Variants in DUSP5 observed in about 807,000 individuals in gnomAD.
DUSP5 encodes the protein dual specificity phosphatase 5, also known as dual specificity protein phosphatase 5.
Under a neutral mutation model 33.6 loss-of-function variants are expected in DUSP5, and 22 were observed. The ratio of observed to expected loss-of-function variants is 0.66; its 90% confidence interval spans 0.47 to 0.94. The LOEUF (loss-of-function observed/expected upper bound fraction) is 0.94. Among genes scored for constraint, DUSP5 ranks in the 40% least tolerant of loss-of-function variants. The pLI, the probability that DUSP5 is intolerant of heterozygous loss-of-function variation, is 0.00. For missense variants in DUSP5, 551 were observed against 522.1 expected (o/e 1.06, Z -0.54); for synonymous variants, 270 against 231.1 (o/e 1.17, Z -1.53).
At position 110,498,127 on chromosome 10, in the gene DUSP5, G is replaced by A. The variant is rs765038748; in HGVS notation, c.6G>A (p.Lys2=). The change falls in exon 1 of 4, where the codon AAG becomes AAA. Residue 2 remains lysine, a synonymous_variant. Transcript: ENST00000369583. ...TGGCCGGCGGCGGCGGCGGCATGAAGGTCACGTCGCTCGACGGGCGCCAGC... is the reference window on the plus strand; with the variant it reads ...TGGCCGGCGGCGGCGGCGGCATGAAAGTCACGTCGCTCGACGGGCGCCAGC... M[K]VTSLDGRQLR... The A allele has an allele frequency of 1.3e-4, 190 of 1,426,326 alleles. No homozygotes were observed. Among genetic ancestry groups the A allele is most frequent in the Non-Finnish European group, 1.6e-4 (177 of 1,083,142 alleles). The allele number at this position is 1,426,326 out of a possible 1,614,324, so 88.4% of individuals were successfully genotyped here.
At position 110,498,200 on chromosome 10, in the gene DUSP5, G is replaced by C; in HGVS notation, c.79G>C (p.Asp27His). The C allele has an allele frequency of 1.3e-6, 2 of 1,504,276 alleles. No homozygotes were observed. Among genetic ancestry groups the C allele is most frequent in the Non-Finnish European group, 1.8e-6 (2 of 1,126,246 alleles). 93.2% of individuals were successfully genotyped at this position (1,504,276 alleles called of 1,614,324 possible). The change falls in exon 1 of 4, where the codon GAC becomes CAC. Residue 27 changes from aspartate (D) to histidine (H), a missense_variant. Asp to His is a moderately conservative substitution (Grantham distance 81). This residue lies in a region of DUSP5 where 381 missense variants were observed against 310.4 expected (regional missense o/e 1.23). Transcript: ENST00000369583. ...KEAAARCVVL[D>H]CRPYLAFAAS... ...GGCGGCGGCGCGCTGCGTGGTGCTC[G>C]ACTGCCGGCCCTATCTGGCCTTCGC...
chr10:110,506,784 T>G (rs1349070773), intron 2 of DUSP5, 151 bp from the exon 3 acceptor site: 14 of 787,854 alleles, frequency 1.8e-5, no homozygotes, highest in Non-Finnish European at 2.3e-5. Flanking sequence ...ACAACCACAC[T>G]TGGTTGAACT....
intron 3 of DUSP5, among the ~76,000 whole-genome samples, chr10:110,509,615 A>G (rs1860161412): frequency 6.6e-6 from 1 of 152,198 alleles, no homozygotes; most frequent in African/African-American, 2.4e-5. Context: ...GCCCAATAAA[A>G]ATGTGCACAA....
In DUSP5 at chr10:110,502,717, G is replaced by T. The variant is rs1470941606; in HGVS notation, c.380-4G>T. On this transcript the variant is annotated splice_polypyrimidine_tract_variant and splice_region_variant and intron_variant, in intron 1 of 3. Transcript: ENST00000369583. ...CTGTCTCACCTTTTTGTTTGTTTTT[G>T]TAGGGGGATATGAGACTTTCTACTC... 1.9e-6 allele frequency: 3 copies of T among 1,610,520 alleles called. No homozygotes were observed. The highest frequency in any genetic ancestry group is 2.5e-6 in the Non-Finnish European group (3 of 1,178,560).
intron 3 of DUSP5, among the ~76,000 whole-genome samples, chr10:110,508,833 A>G (rs184877632): frequency 7.7e-4 from 118 of 152,318 alleles, no homozygotes; most frequent in African/African-American, 2.4e-3. Flanking sequence ...GGACACCCCT[A>G]TTGAACTGCT....
In DUSP5 at chr10:110,506,991, C is replaced by T. The variant is rs547369264; in HGVS notation, c.585C>T (p.Ser195=). ...ACCTTGGAAGTGCCTACCATGCATC[C>T]AAGTGCGAGTTCCTCGCCAACCTGC... is the stretch of plus-strand genomic sequence containing the variant. ...FLYLGSAYHA[S]KCEFLANLHI... Residue 195 remains serine (S), a synonymous_variant, in exon 3 of 4, where the codon TCC becomes TCT. Transcript: ENST00000369583. 297 of 1,614,274 alleles carry T rather than the reference C, an allele frequency of 1.8e-4. 2 individuals carry two copies. The South Asian group carries it at 2.6e-3, about 14-fold the overall frequency.
rs1228313742 is a variant in DUSP5, at chr10:110,511,350, G to T, written c.*924G>T. The T allele has an allele frequency of 6.6e-6, 1 of 152,516 alleles. No individual in the cohort carries two copies. The highest frequency in any genetic ancestry group is 6.5e-5 in the Admixed American group (1 of 15,276). 9.4% of individuals were successfully genotyped at this position (152,516 alleles called of 1,614,324 possible). ...CCCTGGAGGTTGTCTTCAAGCTGTGGACTTCTGGGATTTGCAGATTTTGCA... is the reference window on the plus strand; with the variant it reads ...CCCTGGAGGTTGTCTTCAAGCTGTGTACTTCTGGGATTTGCAGATTTTGCA... On this transcript the variant is annotated 3_prime_UTR_variant, in exon 4 of 4. Coordinates refer to ENST00000369583, the MANE Select transcript of DUSP5 (RefSeq NM_004419.4).
intron 1 of DUSP5, among the ~76,000 whole-genome samples, chr10:110,498,889 C>T (rs1367698424): frequency 6.6e-6 from 1 of 152,086 alleles, no homozygotes; most frequent in Non-Finnish European, 1.5e-5. Flanking sequence ...CTGGCGGGAT[C>T]AGCAGGTCGC....
chr10:110,507,002 T>A lies in DUSP5; in HGVS notation c.596T>A (p.Phe199Tyr), dbSNP rs1396448883. 2 of 1,614,150 alleles carry A rather than the reference T, an allele frequency of 1.2e-6. No individual in the cohort carries two copies. Among genetic ancestry groups the A allele is most frequent in the Non-Finnish European group, 1.7e-6 (2 of 1,180,054 alleles). The change falls in exon 3 of 4, where the codon TTC becomes TAC. Residue 199 changes from phenylalanine to tyrosine, a missense_variant. Phe to Tyr is a conservative substitution (Grantham distance 22, BLOSUM62 3). This residue lies in a region of DUSP5 where 381 missense variants were observed against 310.4 expected (regional missense o/e 1.23). Transcript: ENST00000369583. Reference sequence around the variant, plus strand: ...GCCTACCATGCATCCAAGTGCGAGTTCCTCGCCAACCTGCACATCACAGCC... The same window carrying A: ...GCCTACCATGCATCCAAGTGCGAGTACCTCGCCAACCTGCACATCACAGCC... ...GSAYHASKCE[F>Y]LANLHITALL...
chr10:110,498,704 G>A (rs556188007), intron 1 of DUSP5, among the ~76,000 whole-genome samples: 10 of 152,336 alleles, frequency 6.6e-5, no homozygotes, highest in Admixed American at 1.3e-4. Context: ...TTCCTCGAAA[G>A]CGCCCGGCAG....
chr10:110,510,870 C>T lies in DUSP5; in HGVS notation c.*444C>T, dbSNP rs1410285784. 1 of 161,374 alleles carries T rather than the reference C, an allele frequency of 6.2e-6. No individual in the cohort carries two copies. Among genetic ancestry groups the T allele is most frequent in the Non-Finnish European group, 1.4e-5 (1 of 73,840 alleles). The allele number at this position is 161,374 out of a possible 1,614,324, so 10.0% of individuals were successfully genotyped here. On this transcript the variant is annotated 3_prime_UTR_variant, in exon 4 of 4. Coordinates refer to ENST00000369583, the MANE Select transcript of DUSP5 (RefSeq NM_004419.4). ...GAACTTTGGCAGTTTCAATGTCTGTCTCTGTTGCTTCGGGGCATAAGCTGA... is the reference window on the plus strand; with the variant it reads ...GAACTTTGGCAGTTTCAATGTCTGTTTCTGTTGCTTCGGGGCATAAGCTGA...
intron 3 of DUSP5, among the ~76,000 whole-genome samples, chr10:110,509,606 C>A (rs1324032054): frequency 6.6e-6 from 1 of 152,152 alleles, no homozygotes; most frequent in Non-Finnish European, 1.5e-5. Context: ...AATGTATGTG[C>A]CCAATAAAAA....
rs550148001 is a variant in DUSP5 at position 110,504,011 on chromosome 10, T to A, written c.528+1142T>A. Among the ~76,000 whole-genome samples the A allele has an allele frequency of 1.6e-4, 25 of 152,364 alleles. 2 individuals carry two copies. Among genetic ancestry groups the A allele is most frequent in the African/African-American group, 6.0e-4 (25 of 41,580 alleles). ...CTTGGTCAGGAATCCTATTAGCTTG[T>A]CCAGATGCCAGGGTTAGGATTTTGT... On this transcript the variant is annotated intron_variant, in intron 2 of 3. Transcript: ENST00000369583.
chr10:110,498,309 G>T lies in DUSP5; in HGVS notation c.188G>T (p.Arg63Leu). Residue 63 changes from arginine to leucine, a missense_variant, in exon 1 of 4, where the codon CGC becomes CTC. Physicochemically the swap from Arg to Leu is moderately radical, Grantham distance 102. Coordinates refer to ENST00000369583, the MANE Select transcript of DUSP5 (RefSeq NM_004419.4). The part of the protein sequence containing the change: ...RRARGGAVSA[R>L]YVLPDEAARA... ...GCCCGGGGCGGCGCGGTGTCGGCGC[G>T]CTACGTGCTGCCCGACGAGGCGGCG... The T allele has an allele frequency of 1.4e-6, 2 of 1,426,562 alleles. No homozygotes were observed. The highest frequency in any genetic ancestry group is 1.8e-6 in the Non-Finnish European group (2 of 1,087,386). The allele number at this position is 1,426,562 out of a possible 1,614,324, so 88.4% of individuals were successfully genotyped here.
chr10:110,509,692 G>A (rs891699128), intron 3 of DUSP5, among the ~76,000 whole-genome samples: 4 of 152,216 alleles, frequency 2.6e-5, no homozygotes, highest in African/African-American at 9.6e-5. Context: ...GCATCCCCAG[G>A]AAGGGACTGC....
intron 3 of DUSP5, among the ~76,000 whole-genome samples, chr10:110,508,649 T>G (rs1860149334): frequency 6.6e-6 from 1 of 152,188 alleles, no homozygotes; most frequent in Non-Finnish European, 1.5e-5. Context: ...CTGGACCCTT[T>G]GCATTCTTGG....
Position 110,507,182 on chromosome 10 carries a change from T to C in DUSP5, c.748+28T>C, listed in dbSNP as rs1209046629. On this transcript the variant is annotated intron_variant, in intron 3 of 3. Coordinates refer to ENST00000369583, the MANE Select transcript of DUSP5 (RefSeq NM_004419.4). ...AGGTTTAGCCATTCCCCTTCAGTTA[T>C]TTTGGGAGCCCCTTTGGGGCATGTG... The C allele has an allele frequency of 6.2e-6, 10 of 1,601,670 alleles. No individual in the cohort carries two copies. The South Asian group carries it at 7.7e-5, about 12-fold the overall frequency.
At chr10:110,501,325 A>AG (rs1860045098) in intron 1 of DUSP5, among the ~76,000 whole-genome samples, 1 of 152,130 alleles carries the variant, frequency 6.6e-6, no homozygotes, top group Non-Finnish European at 1.5e-5. Flanking sequence ...ATGGTCATTG[A>AG]GGAGGACCAG....
rs1860167070 is a variant in DUSP5, at chr10:110,510,041, G to A, written c.770G>A (p.Gly257Asp). ...DFIDCVREKGGKVLVHCEAGI... is the reference protein window; with the variant it reads ...DFIDCVREKGDKVLVHCEAGI... ...CCAGACTGTGTCAGGGAAAAGGGAG[G>A]CAAGGTCCTGGTCCACTGTGAGGCT... is the stretch of plus-strand genomic sequence containing the variant. The change falls in exon 4 of 4, where the codon GGC becomes GAC. Residue 257 changes from glycine to aspartate, a missense_variant. Gly to Asp is a moderately conservative substitution (Grantham distance 94). Around this residue, in one of 3 missense-constraint regions of DUSP5, gnomAD observed 158 missense variants for 181.8 expected, o/e 0.87. Coordinates refer to ENST00000369583, the MANE Select transcript of DUSP5 (RefSeq NM_004419.4). 1 of 1,601,736 alleles carries A rather than the reference G, an allele frequency of 6.2e-7. No individual in the cohort carries two copies. The highest frequency in any genetic ancestry group is 1.7e-5 in the Admixed American group (1 of 59,576).
Sources: gnomAD v4.1 joint callset for allele counts (sites outside exome capture counted in the v4.1 genomes callset) on GRCh38, gnomAD v4.1.1 for gene constraint, gnomAD v4.1.1 regional missense constraint, MANE v1.5 for transcripts, NCBI Gene and HGNC (gene_info 2026-07-23, HGNC 2026-07-21) for gene names.